CACNA2D3: variants seen among roughly 807,000 people sequenced by gnomAD.
The protein encoded by CACNA2D3 is calcium voltage-gated channel auxiliary subunit alpha2delta 3.
CACNA2D3 carries 60 observed loss-of-function variants against 160.6 expected under a neutral mutation model. The ratio of observed to expected loss-of-function variants is 0.37; its 90% CI spans 0.30 to 0.46. CACNA2D3 has a LOEUF of 0.46. Among genes scored for constraint, CACNA2D3 ranks in the 20% least tolerant of loss-of-function variants. The probability of loss-of-function intolerance (pLI) is 1.00; values close to 1 mark genes in which losing one functional copy is unlikely to be tolerated. For missense variants in CACNA2D3, 1,205 were observed against 1,365.0 expected, an observed-to-expected ratio of 0.88 and a Z score of 1.85; for synonymous variants, 558 against 492.9, an observed-to-expected ratio of 1.13 and a Z score of -1.75.
chr3:54,760,999 G>A (rs771973549), intron 12 of CACNA2D3, among the ~76,000 whole-genome samples: 1 of 152,114 alleles, frequency 6.6e-6, no homozygotes, highest in African/African-American at 2.4e-5. Context: ...CCTTGGCTAT[G>A]ATAAGCAAGG....
chr3:55,016,266 C>T (rs528453428), intron 34 of CACNA2D3, among the ~76,000 whole-genome samples: 12 of 152,276 alleles, frequency 7.9e-5, no homozygotes, highest in African/African-American at 2.9e-4. Context: ...TGAAATAGCA[C>T]GAGTGCAGCA....
intron 35 of CACNA2D3, among the ~76,000 whole-genome samples, chr3:55,025,507 C>A (rs187772854): frequency 1.3e-5 from 2 of 151,868 alleles, no homozygotes; most frequent in African/African-American, 4.8e-5. Context: ...TGGTATGCGC[C>A]TGTGATCCCA....
At chr3:55,025,357 C>T (rs1024115690) in intron 35 of CACNA2D3, among the ~76,000 whole-genome samples, 1 of 151,962 alleles carries the variant, frequency 6.6e-6, no homozygotes, top group Non-Finnish European at 1.5e-5. Context: ...GAAGGCTGGG[C>T]GCGGTGGCTC....
intron 11 of CACNA2D3, among the ~76,000 whole-genome samples, chr3:54,669,687 G>C (rs937542286): frequency 6.6e-6 from 1 of 152,116 alleles, no homozygotes; most frequent in Non-Finnish European, 1.5e-5. Flanking sequence ...CTGCATTAGA[G>C]AAAGTATCCT....
At chr3:54,983,201 C>T (rs746416008) in intron 29 of CACNA2D3, among the ~76,000 whole-genome samples, 1 of 152,178 alleles carries the variant, frequency 6.6e-6, no homozygotes, top group East Asian at 1.9e-4. Context: ...AAGAACTTTC[C>T]ACAATGATAT....
At chr3:54,401,954 A>G (rs1159729156) in intron 4 of CACNA2D3, among the ~76,000 whole-genome samples, 1 of 152,210 alleles carries the variant, frequency 6.6e-6, no homozygotes, top group Non-Finnish European at 1.5e-5. Context: ...AGAAATGCTT[A>G]ATATAAAAAG....
chr3:54,571,450 G>A (rs116680076), intron 8 of CACNA2D3, among the ~76,000 whole-genome samples: 3,276 of 151,870 alleles, frequency 0.022, 120 homozygotes, highest in African/African-American at 0.075. Context: ...GGTTGGGGGG[G>A]GTCTTAGAAT....
At chr3:54,529,700 T>C (rs1354513505) in intron 5 of CACNA2D3, among the ~76,000 whole-genome samples, 3 of 152,154 alleles carry the variant, frequency 2.0e-5, no homozygotes, top group Non-Finnish European at 2.9e-5. Context: ...TTGAATTTGG[T>C]AAATTTTGAG....
At chr3:54,559,100 A>T (rs181380293) in intron 5 of CACNA2D3, among the ~76,000 whole-genome samples, 1 of 152,202 alleles carries the variant, frequency 6.6e-6, no homozygotes, top group East Asian at 1.9e-4. Flanking sequence ...CTGACACTTG[A>T]CAGCTATTTC....
At chr3:54,673,082 T>C (rs1700187552) in intron 11 of CACNA2D3, among the ~76,000 whole-genome samples, 1 of 152,190 alleles carries the variant, frequency 6.6e-6, no homozygotes, top group Non-Finnish European at 1.5e-5. Flanking sequence ...CTGAAGTCCT[T>C]TAGGGATATT....
chr3:54,626,338 C>T (rs1018508140), intron 9 of CACNA2D3: 11 of 1,554,924 alleles, frequency 7.1e-6, no homozygotes, highest in East Asian at 2.4e-5. Flanking sequence ...GCGCCAGCAG[C>T]GGCGGCTGAA....
intron 2 of CACNA2D3, among the ~76,000 whole-genome samples, chr3:54,142,905 A>G (rs572045356): frequency 5.0e-4 from 76 of 152,286 alleles, no homozygotes; most frequent in African/African-American, 1.7e-3. Flanking sequence ...GTGGAGTTGT[A>G]TCTGTGAAAA....
chr3:54,501,551 C>T (rs1190249586), intron 4 of CACNA2D3, among the ~76,000 whole-genome samples: 1 of 151,406 alleles, frequency 6.6e-6, no homozygotes, highest in African/African-American at 2.4e-5. Context: ...GGACTACAGG[C>T]GGGTGCTGCT....
intron 11 of CACNA2D3, among the ~76,000 whole-genome samples, chr3:54,704,390 C>T (rs988557053): frequency 6.6e-6 from 1 of 152,118 alleles, no homozygotes; most frequent in African/African-American, 2.4e-5. Context: ...CAGCTAAAAC[C>T]TTCTATTGGG....
chr3:54,791,893 C>T (rs1164809145), intron 13 of CACNA2D3, among the ~76,000 whole-genome samples: 1 of 152,180 alleles, frequency 6.6e-6, no homozygotes, highest in Non-Finnish European at 1.5e-5. Context: ...GGACTTTTCA[C>T]ATGAGCCCAG....
chr3:54,150,494 C>T (rs1700127871), intron 2 of CACNA2D3, among the ~76,000 whole-genome samples: 1 of 152,186 alleles, frequency 6.6e-6, no homozygotes, highest in South Asian at 2.1e-4. Flanking sequence ...CTTGCTTCTT[C>T]AGCAGTGTGA....
chr3:54,444,252 T>G (rs1365194111), intron 4 of CACNA2D3, among the ~76,000 whole-genome samples: 1 of 152,134 alleles, frequency 6.6e-6, no homozygotes. Context: ...TTGAGGAAAA[T>G]GTCCCAGACA....
At chr3:54,547,899 A>G (rs1200385320) in intron 5 of CACNA2D3, among the ~76,000 whole-genome samples, 2 of 152,072 alleles carry the variant, frequency 1.3e-5, no homozygotes, top group South Asian at 4.2e-4. Context: ...TTGCTATATT[A>G]CGCAGGCTGG....
At chr3:54,629,543 C>G (rs1429020263) in intron 10 of CACNA2D3, among the ~76,000 whole-genome samples, 3 of 152,128 alleles carry the variant, frequency 2.0e-5, no homozygotes, top group African/African-American at 7.2e-5. Flanking sequence ...TCCAAAGCCC[C>G]GGTCACCTAA....
Sources: allele counts gnomAD v4.1 joint callset (sites outside exome capture counted in the v4.1 genomes callset), GRCh38; gene constraint gnomAD v4.1.1; transcripts MANE v1.5; gene names NCBI Gene and HGNC (gene_info 2026-07-23, HGNC 2026-07-21).